KALRN: variants seen among roughly 807,000 people sequenced by gnomAD.
KALRN encodes the protein kalirin RhoGEF kinase, also known as kalirin.
In KALRN, 70 loss-of-function variants were observed where a neutral mutation model predicts 353.7. The ratio of observed to expected loss-of-function variants is 0.20; its 90% confidence interval spans 0.16 to 0.24. The LOEUF is 0.24. Among genes scored for constraint, KALRN ranks in the 10% least tolerant of loss-of-function variants. The pLI is 1.00. For missense variants in KALRN, 2,791 were observed against 3,756.7 expected, an observed-to-expected ratio of 0.74 and a Z score of 6.72; for synonymous variants, 1,391 against 1,434.8, an observed-to-expected ratio of 0.97 and a Z score of 0.69.
chr3:124,467,145 C>A (rs1026228240), intron 25 of KALRN, among the ~76,000 whole-genome samples: 1 of 152,162 alleles, frequency 6.6e-6, no homozygotes, highest in Non-Finnish European at 1.5e-5. Flanking sequence ...AGGAGCAGGA[C>A]CAGAGATGTG....
intron 10 of KALRN, among the ~76,000 whole-genome samples, chr3:124,375,500 T>G (rs1305248575): frequency 6.6e-6 from 1 of 152,112 alleles, no homozygotes; most frequent in Non-Finnish European, 1.5e-5. Flanking sequence ...CTTGGTGGGC[T>G]AGGTGGGGAG....
rs767857150 is a variant in KALRN at position 124,434,439 on chromosome 3, C to T, written c.2962C>T (p.Leu988Phe). The T allele has an allele frequency of 1.2e-6, 2 of 1,614,204 alleles. No homozygotes were observed. The highest frequency in any genetic ancestry group is 1.1e-5 in the South Asian group (1 of 91,086). The change falls in exon 17 of 60, where the codon CTC becomes TTC. Residue 988 changes from leucine to phenylalanine, a missense_variant. By Grantham distance (22) the Leu-to-Phe change is conservative (BLOSUM62 0). This residue lies in a region of KALRN where 452 missense variants were observed against 575.8 expected (regional missense o/e 0.78). Transcript: ENST00000682506. ...CCGGGAATGTGCTGAGAAGGTGGCC[C>T]TCCACTGGCAGCAGCTCATGCTGAA... is the stretch of plus-strand genomic sequence containing the variant. ...AIRECAEKVA[L>F]HWQQLMLKME... is the part of the protein sequence containing the mutation.
chr3:124,102,899 C>A (rs540766416), intron 1 of KALRN, among the ~76,000 whole-genome samples: 1 of 152,184 alleles, frequency 6.6e-6, no homozygotes, highest in South Asian at 2.1e-4. Flanking sequence ...AATATCTTAC[C>A]CCTTTGTTTC....
At chr3:124,250,496 G>T (rs1480176829) in intron 3 of KALRN, among the ~76,000 whole-genome samples, 1 of 152,204 alleles carries the variant, frequency 6.6e-6, no homozygotes, top group Admixed American at 6.5e-5. Flanking sequence ...AGTCCCCTCA[G>T]CTCTCTTCTC....
At chr3:124,642,806 G>GTTTTTTTTGTTGTTGTTGTTTTTTTT (rs2082205293) in intron 37 of KALRN, among the ~76,000 whole-genome samples, 1 of 96,840 alleles carries the variant, frequency 1.0e-5, no homozygotes, top group African/African-American at 4.5e-5. Context: ...CCCAAGCCTC[G>GTTTTTTTTGTTGTTGTTGTTTTTTTT]TTTTTTTTTT....
At chr3:124,632,363 G>A in intron 34 of KALRN, 57 bp from the exon 35 acceptor site, 1 of 1,562,268 alleles carries the variant, frequency 6.4e-7, no homozygotes, top group Non-Finnish European at 8.8e-7. Flanking sequence ...CTCAGTCCCA[G>A]GTTTGCGGCC....
intron 16 of KALRN, among the ~76,000 whole-genome samples, chr3:124,432,441 G>A (rs1481893001): frequency 6.6e-6 from 1 of 152,096 alleles, no homozygotes; most frequent in Non-Finnish European, 1.5e-5. Flanking sequence ...TGGGCACATA[G>A]CAGTCAAGTT....
At chr3:124,249,040 A>T (rs1230971460) in intron 3 of KALRN, among the ~76,000 whole-genome samples, 1 of 152,270 alleles carries the variant, frequency 6.6e-6, no homozygotes, top group African/African-American at 2.4e-5. Context: ...GGAGGAAAGC[A>T]AGACCATTCC....
chr3:124,704,574 G>A (rs552055935), intron 57 of KALRN, among the ~76,000 whole-genome samples: 9 of 151,970 alleles, frequency 5.9e-5, no homozygotes, highest in African/African-American at 1.7e-4. Context: ...TTGAGACAGG[G>A]ACTCACTATG....
intron 5 of KALRN, among the ~76,000 whole-genome samples, chr3:124,277,209 T>C (rs994755140): frequency 6.6e-6 from 1 of 152,180 alleles, no homozygotes; most frequent in South Asian, 2.1e-4. Flanking sequence ...GCCCTTCATG[T>C]TGGGAGGGAG....
At chr3:124,511,817 C>T (rs930743474) in intron 33 of KALRN, among the ~76,000 whole-genome samples, 2 of 152,206 alleles carry the variant, frequency 1.3e-5, no homozygotes, top group Non-Finnish European at 2.9e-5. Context: ...ACATTTCTGA[C>T]CTCAGGAAAG....
chr3:124,247,046 A>T (rs1490530017), intron 3 of KALRN, among the ~76,000 whole-genome samples: 1 of 152,090 alleles, frequency 6.6e-6, no homozygotes, highest in African/African-American at 2.4e-5. Context: ...AAGTCTGATT[A>T]TGTGCCCTTC....
intron 34 of KALRN, among the ~76,000 whole-genome samples, chr3:124,618,172 G>A (rs903305641): frequency 3.7e-5 from 5 of 134,320 alleles, no homozygotes; most frequent in Non-Finnish European, 6.1e-5. Flanking sequence ...GCAGCGGCAC[G>A]ATCTCGGCTC....
chr3:124,330,908 A>C (rs2080477841), intron 8 of KALRN, among the ~76,000 whole-genome samples: 1 of 152,336 alleles, frequency 6.6e-6, no homozygotes, highest in South Asian at 2.1e-4. Context: ...CAGAATATCA[A>C]GAAGTGAGAC....
intron 23 of KALRN, among the ~76,000 whole-genome samples, chr3:124,458,096 T>G (rs576176002): frequency 4.6e-5 from 7 of 151,988 alleles, no homozygotes; most frequent in African/African-American, 1.7e-4. Context: ...GCCAACATGG[T>G]GAAACCCCGT....
At chr3:124,525,135 A>G (rs377485367) in intron 33 of KALRN, among the ~76,000 whole-genome samples, 5 of 152,324 alleles carry the variant, frequency 3.3e-5, no homozygotes, top group East Asian at 3.9e-4. Context: ...AGGCTTACTA[A>G]TGACCATCAA....
intron 53 of KALRN, 146 bp from the exon 54 acceptor site, chr3:124,695,988 G>A (rs1402343899): frequency 2.9e-6 from 2 of 699,658 alleles, no homozygotes; most frequent in Non-Finnish European, 4.8e-6. Flanking sequence ...AGAGAAACAG[G>A]GTGGTAGGTA....
In KALRN at chr3:124,216,864, T is replaced by C. The variant is rs117228975; in HGVS notation, c.74-11126T>C. 3.9e-5 allele frequency among the ~76,000 whole-genome samples: 6 copies of C among 152,334 alleles called. No individual in the cohort carries two copies. In the East Asian group the frequency reaches 1.2e-3, roughly 29 times the overall value. ...CTCCAGCAAACATTAACTCATCTCT[T>C]TGTTATTATGGATAGGGTCTAGGTC... On this transcript the variant is annotated intron_variant, in intron 1 of 59. Coordinates refer to ENST00000682506, the MANE Select transcript of KALRN (RefSeq NM_001388419.1).
intron 33 of KALRN, among the ~76,000 whole-genome samples, chr3:124,551,821 T>G (rs180958756): frequency 6.6e-6 from 1 of 152,296 alleles, no homozygotes; most frequent in East Asian, 1.9e-4. Context: ...GGTAGGGACA[T>G]CACAGCTGTC....
Sources: allele counts gnomAD v4.1 joint callset (sites outside exome capture counted in the v4.1 genomes callset), GRCh38; gene constraint gnomAD v4.1.1; regional missense constraint gnomAD v4.1.1; transcripts MANE v1.5; gene names NCBI Gene and HGNC (gene_info 2026-07-23, HGNC 2026-07-21).